The following INPP4B variants were observed in gnomAD, a reference collection of about 807,000 sequenced individuals.
INPP4B encodes the protein inositol polyphosphate-4-phosphatase type II B.
INPP4B carries 55 observed loss-of-function variants against 122.5 expected under a neutral mutation model. That is an observed-to-expected ratio of 0.45 (90% CI 0.36 to 0.56). The LOEUF (loss-of-function observed/expected upper bound fraction) is 0.56. INPP4B is among the 20% of genes least tolerant of loss of function. The pLI is 0.00. For missense variants in INPP4B, 1,000 were observed against 1,097.7 expected, an observed-to-expected ratio of 0.91 and a Z score of 1.26; for synonymous variants, 403 against 388.7, an observed-to-expected ratio of 1.04 and a Z score of -0.43.
At chr4:142,275,654 T>C (rs1473450206) in intron 9 of INPP4B, among the ~76,000 whole-genome samples, 3 of 151,854 alleles carry the variant, frequency 2.0e-5, no homozygotes, top group Admixed American at 6.6e-5. Context: ...TATGTATAAC[T>C]AAACACACCT....
At chr4:142,382,533 A>G (rs1794486502) in intron 7 of INPP4B, among the ~76,000 whole-genome samples, 1 of 140,474 alleles carries the variant, frequency 7.1e-6, no homozygotes, top group Admixed American at 7.1e-5. Context: ...ATACATACAC[A>G]TATACATATA....
At chr4:142,625,752 C>T (rs1318516006) in intron 2 of INPP4B, among the ~76,000 whole-genome samples, 1 of 152,114 alleles carries the variant, frequency 6.6e-6, no homozygotes, top group Non-Finnish European at 1.5e-5. Flanking sequence ...GCAACAGTAA[C>T]CAAAACAGCA....
chr4:142,833,283 T>C (rs1449961113), intron 1 of INPP4B, among the ~76,000 whole-genome samples: 1 of 152,146 alleles, frequency 6.6e-6, no homozygotes, highest in Non-Finnish European at 1.5e-5. Flanking sequence ...TTATTTATGA[T>C]ACCCATAGAG....
chr4:142,257,427 A>C (rs1415473294), intron 11 of INPP4B, among the ~76,000 whole-genome samples: 1 of 152,166 alleles, frequency 6.6e-6, no homozygotes, highest in Non-Finnish European at 1.5e-5. Context: ...CCCTGTTTGC[A>C]GATGACATGA....
intron 9 of INPP4B, among the ~76,000 whole-genome samples, chr4:142,281,118 T>C (rs1476740722): frequency 6.6e-6 from 1 of 151,034 alleles, no homozygotes; most frequent in Non-Finnish European, 1.5e-5. Flanking sequence ...TTTTTTTTTT[T>C]TGTATTTTTA....
intron 1 of INPP4B, among the ~76,000 whole-genome samples, chr4:142,737,112 T>C (rs1243341843): frequency 2.0e-5 from 3 of 152,282 alleles, no homozygotes; most frequent in African/African-American, 7.2e-5. Context: ...AAAAAACTAC[T>C]TTAAAGTTCA....
At chr4:142,559,415 CTT>C (rs1006633871) in intron 2 of INPP4B, among the ~76,000 whole-genome samples, 4 of 151,918 alleles carry the variant, frequency 2.6e-5, no homozygotes, top group Admixed American at 2.6e-4. Flanking sequence ...AAAAATGAAA[CTT>C]GAGATTCATT....
intron 7 of INPP4B, among the ~76,000 whole-genome samples, chr4:142,320,718 C>T (rs1447456927): frequency 6.6e-6 from 1 of 152,146 alleles, no homozygotes; most frequent in East Asian, 1.9e-4. Flanking sequence ...CATAGCTTAG[C>T]TCCCATTTAT....
chr4:142,132,440 A>G (rs928414519), intron 18 of INPP4B, among the ~76,000 whole-genome samples: 1 of 152,214 alleles, frequency 6.6e-6, no homozygotes, highest in African/African-American at 2.4e-5. Context: ...TAAGAATTAA[A>G]TGAGTTAACG....
intron 7 of INPP4B, among the ~76,000 whole-genome samples, chr4:142,353,668 T>C (rs1240032759): frequency 6.6e-6 from 1 of 152,070 alleles, no homozygotes; most frequent in African/African-American, 2.4e-5. Context: ...TAGCCACTTA[T>C]GTCCATGTCC....
At chr4:142,226,549 G>C (rs981485863) in intron 12 of INPP4B, among the ~76,000 whole-genome samples, 2 of 152,120 alleles carry the variant, frequency 1.3e-5, no homozygotes, top group African/African-American at 4.8e-5. Context: ...ATTCTTAAGA[G>C]GTTGAATATC....
intron 1 of INPP4B, among the ~76,000 whole-genome samples, chr4:142,749,842 A>G (rs1040817645): frequency 6.7e-6 from 1 of 149,224 alleles, no homozygotes; most frequent in African/African-American, 2.5e-5. Context: ...TTAAATTAAT[A>G]CAAGAGAACA....
In INPP4B at chr4:142,024,782, T is replaced by G. The variant is rs1490993771; in HGVS notation, c.*4000A>C. ...ACTCCAAAATAGATGGTGAAGTACA[T>G]TTTTAGTGATATCTGATTGGGCTAA... On this transcript the variant is annotated 3_prime_UTR_variant, in exon 26 of 26. Coordinates refer to ENST00000262992, the MANE Select transcript of INPP4B (RefSeq NM_001101669.3). 6.6e-6 allele frequency: 1 copy of G among 152,178 alleles called. No individual in the cohort carries two copies. Among genetic ancestry groups the G allele is most frequent in the East Asian group, 1.9e-4 (1 of 5,200 alleles). The allele number at this position is 152,178 out of a possible 1,614,324, so 9.4% of individuals were successfully genotyped here. A position where few individuals can be genotyped will look rare whatever the true frequency, so the allele number is the denominator to read the frequency against.
At chr4:142,679,611 CAT>C (rs1758305040) in intron 2 of INPP4B, among the ~76,000 whole-genome samples, 1 of 151,764 alleles carries the variant, frequency 6.6e-6, no homozygotes. Context: ...ACAGGGGTCA[CAT>C]GTGGTTGGCA....
chr4:142,431,410 T>TTCAG, intron 3 of INPP4B, 25 bp from the exon 4 acceptor site: 2 of 621,982 alleles, frequency 3.2e-6, no homozygotes, highest in South Asian at 3.9e-5. Context: ...AAGTTAAAAT[T>TTCAG]TCAGTCATAT....
At chr4:142,113,271 TA>T (rs1373854112) in intron 21 of INPP4B, among the ~76,000 whole-genome samples, 3 of 152,084 alleles carry the variant, frequency 2.0e-5, no homozygotes, top group Non-Finnish European at 2.9e-5. Flanking sequence ...CCCTATTTTT[TA>T]ATGTTGAAAA....
intron 2 of INPP4B, among the ~76,000 whole-genome samples, chr4:142,530,602 C>T (rs1827489795): frequency 6.7e-6 from 1 of 149,912 alleles, no homozygotes; most frequent in African/African-American, 2.5e-5. Context: ...GACGCACATA[C>T]ATACACATAA....
chr4:142,256,327 T>G (rs1484161593), intron 11 of INPP4B, among the ~76,000 whole-genome samples: 3 of 151,478 alleles, frequency 2.0e-5, no homozygotes, highest in African/African-American at 7.3e-5. Context: ...ATTCAAAAGC[T>G]AGCAGAAGGC....
chr4:142,704,515 T>C (rs1306524401), intron 2 of INPP4B, among the ~76,000 whole-genome samples: 2 of 152,178 alleles, frequency 1.3e-5, no homozygotes, highest in Non-Finnish European at 1.5e-5. Flanking sequence ...CTTAACTTCT[T>C]GCCACAAAAC....
Sources: gnomAD v4.1 joint callset for allele counts (sites outside exome capture counted in the v4.1 genomes callset) on GRCh38, gnomAD v4.1.1 for gene constraint, MANE v1.5 for transcripts, NCBI Gene and HGNC (gene_info 2026-07-23, HGNC 2026-07-21) for gene names.